The following GRIK3 variants were observed in gnomAD, a reference collection of about 807,000 sequenced individuals.
GRIK3 encodes glutamate ionotropic receptor kainate type subunit 3.
In GRIK3, 29 loss-of-function variants were observed where a neutral mutation model predicts 102.5. That is an observed-to-expected ratio of 0.28 (90% CI 0.21 to 0.39). The LOEUF is 0.39. GRIK3 is among the 10% of genes least tolerant of loss of function. The pLI is 1.00. For missense variants in GRIK3, 908 were observed against 1,252.4 expected, an observed-to-expected ratio of 0.73 and a Z score of 4.15; for synonymous variants, 511 against 504.9, an observed-to-expected ratio of 1.01 and a Z score of -0.16.
chr1:36,934,612 T>C (rs1570807228), intron 1 of GRIK3, among the ~76,000 whole-genome samples: 1 of 152,326 alleles, frequency 6.6e-6, no homozygotes, highest in Middle Eastern at 3.4e-3. Flanking sequence ...ATGACTCTTA[T>C]TACAAATAGT....
chr1:36,883,949 AG>A (rs1641010873), intron 2 of GRIK3, among the ~76,000 whole-genome samples: 2 of 152,246 alleles, frequency 1.3e-5, no homozygotes, highest in African/African-American at 4.8e-5. Context: ...CAGGAACACC[AG>A]AGATTGCCAC....
chr1:36,969,109 C>G (rs905195895), intron 1 of GRIK3, among the ~76,000 whole-genome samples: 20 of 152,064 alleles, frequency 1.3e-4, no homozygotes, highest in Non-Finnish European at 1.9e-4. Flanking sequence ...AAAACCAAAC[C>G]CGCATCCTCC....
chr1:36,969,784 A>G (rs1642122194), intron 1 of GRIK3, among the ~76,000 whole-genome samples: 1 of 152,236 alleles, frequency 6.6e-6, no homozygotes, highest in African/African-American at 2.4e-5. Context: ...CATAACACAC[A>G]TCTTCTCAAA....
At position 36,895,847 on chromosome 1, in the gene GRIK3, T is replaced by C. The variant is rs1570785452; in HGVS notation, c.116-4751A>G. 2.0e-5 allele frequency among the ~76,000 whole-genome samples: 3 copies of C among 150,558 alleles called. No homozygotes were observed. In the East Asian group the frequency reaches 5.9e-4, roughly 30 times the overall value. On this transcript the variant is annotated intron_variant, in intron 1 of 15. Coordinates refer to ENST00000373091, the MANE Select transcript of GRIK3 (RefSeq NM_000831.4). ...CATATCATTTTCAAACAATAGAAAATCAAAGATCAAGAAAAAAATCCCAAC... is the reference window on the plus strand; with the variant it reads ...CATATCATTTTCAAACAATAGAAAACCAAAGATCAAGAAAAAAATCCCAAC...
intron 4 of GRIK3, among the ~76,000 whole-genome samples, chr1:36,871,793 T>C (rs1429331266): frequency 6.6e-6 from 1 of 152,102 alleles, no homozygotes; most frequent in Admixed American, 6.6e-5. Flanking sequence ...GGTGAGGCAT[T>C]CTGGGGGCTG....
chr1:37,020,783 A>G (rs1219012611), intron 1 of GRIK3, among the ~76,000 whole-genome samples: 1 of 152,162 alleles, frequency 6.6e-6, no homozygotes, highest in East Asian at 1.9e-4. Flanking sequence ...CCTGTTTAGC[A>G]AGACCTTACA....
chr1:36,985,723 C>G (rs1441414556), intron 1 of GRIK3, among the ~76,000 whole-genome samples: 2 of 152,150 alleles, frequency 1.3e-5, no homozygotes, highest in Non-Finnish European at 2.9e-5. Context: ...GGCAACTCTT[C>G]AGAGGCTATG....
intron 10 of GRIK3, among the ~76,000 whole-genome samples, chr1:36,829,010 C>A (rs767442909): frequency 1.3e-5 from 2 of 152,206 alleles, no homozygotes; most frequent in Non-Finnish European, 2.9e-5. Context: ...ACCAAGGCAT[C>A]CGCAGCATTC....
At chr1:36,939,157 T>A (rs1641692107) in intron 1 of GRIK3, among the ~76,000 whole-genome samples, 1 of 152,150 alleles carries the variant, frequency 6.6e-6, no homozygotes, top group Non-Finnish European at 1.5e-5. Flanking sequence ...AAGCCTAATA[T>A]CCTTCCACCA....
In GRIK3 at chr1:36,872,129, C is replaced by T. The variant is rs1319037662; in HGVS notation, c.732+59G>A. 13 of 1,436,820 alleles carry T rather than the reference C, an allele frequency of 9.0e-6. No individual in the cohort carries two copies. Among genetic ancestry groups the T allele is most frequent in the East Asian group, 7.3e-5 (3 of 41,268 alleles). The allele number at this position is 1,436,820 out of a possible 1,614,324, so 89.0% of individuals were successfully genotyped here. A position where few individuals can be genotyped will look rare whatever the true frequency, so the allele number is the denominator to read the frequency against. Reference sequence around the variant, plus strand: ...ATCACACCCACATTTGGGAAGGGGACGTGGGAGAAGTGGCCAGCAGACCCC... The same window carrying T: ...ATCACACCCACATTTGGGAAGGGGATGTGGGAGAAGTGGCCAGCAGACCCC... On this transcript the variant is annotated intron_variant, in intron 4 of 15. Transcript: ENST00000373091. The surrounding 1 kb of genome is among the most constrained non-coding windows in gnomAD (Gnocchi z 5.9).
At chr1:36,943,136 T>C (rs975796769) in intron 1 of GRIK3, among the ~76,000 whole-genome samples, 7 of 149,634 alleles carry the variant, frequency 4.7e-5, no homozygotes, top group African/African-American at 1.7e-4. Context: ...AACTTGCCCA[T>C]GGTCACATTC....
chr1:36,918,681 G>T (rs569324680), intron 1 of GRIK3, among the ~76,000 whole-genome samples: 1 of 152,222 alleles, frequency 6.6e-6, no homozygotes, highest in East Asian at 1.9e-4. Flanking sequence ...ATGCCAGTTG[G>T]TTTCATCTTT....
chr1:36,845,540 T>C (rs1640510543), intron 9 of GRIK3, among the ~76,000 whole-genome samples: 1 of 152,176 alleles, frequency 6.6e-6, no homozygotes, highest in South Asian at 2.1e-4. Flanking sequence ...TATCCCCAAT[T>C]TGGGAAGGAT....
chr1:36,803,854 C>T (rs1642469740), intron 15 of GRIK3, among the ~76,000 whole-genome samples: 1 of 152,192 alleles, frequency 6.6e-6, no homozygotes, highest in Non-Finnish European at 1.5e-5. Flanking sequence ...GTTTACCCCT[C>T]CCTCCCATCT....
chr1:36,952,920 G>C lies in GRIK3; in HGVS notation c.116-61824C>G, dbSNP rs141243860. Among the ~76,000 whole-genome samples, 7 of 152,176 alleles carry C rather than the reference G, an allele frequency of 4.6e-5. No individual in the cohort carries two copies. In the South Asian group the frequency reaches 1.0e-3, roughly 23 times the overall value. On this transcript the variant is annotated intron_variant, in intron 1 of 15. Coordinates refer to ENST00000373091, the MANE Select transcript of GRIK3 (RefSeq NM_000831.4). ...CTGAGAGAAATGCTCCAGGTAGAGG[G>C]AACAGCACGTGCAACACTTGTACAA... is the stretch of plus-strand genomic sequence containing the variant.
chr1:36,887,261 T>C (rs1406813605), intron 2 of GRIK3, among the ~76,000 whole-genome samples: 2 of 152,182 alleles, frequency 1.3e-5, no homozygotes, highest in African/African-American at 4.8e-5. Context: ...GAAAATATCT[T>C]CATAACCTTA....
chr1:36,865,994 C>T (rs1640780824), intron 5 of GRIK3, among the ~76,000 whole-genome samples: 1 of 152,200 alleles, frequency 6.6e-6, no homozygotes, highest in Non-Finnish European at 1.5e-5. Flanking sequence ...ATCCTTCTGC[C>T]TCAGTTTGCC....
intron 2 of GRIK3, among the ~76,000 whole-genome samples, chr1:36,882,575 C>T (rs768469408): frequency 4.6e-5 from 7 of 152,266 alleles, no homozygotes; most frequent in Admixed American, 6.5e-5. Context: ...GCAGAGAATG[C>T]GGCTCGCACC....
At chr1:36,813,876 G>A (rs973884248) in intron 13 of GRIK3, among the ~76,000 whole-genome samples, 1 of 152,188 alleles carries the variant, frequency 6.6e-6, no homozygotes, top group African/African-American at 2.4e-5. Context: ...GGGAGTCTGG[G>A]CAAGGAGAGC....
Sources: allele counts gnomAD v4.1 joint callset (sites outside exome capture counted in the v4.1 genomes callset), GRCh38; gene constraint gnomAD v4.1.1; non-coding constraint Gnocchi (gnomAD v3.1); transcripts MANE v1.5; gene names NCBI Gene and HGNC (gene_info 2026-07-23, HGNC 2026-07-21).